URI1: variants seen among roughly 807,000 people sequenced by gnomAD.
URI1 encodes the protein URI1 prefoldin like chaperone.
Under a neutral mutation model 60.2 loss-of-function variants are expected in URI1, and 39 were observed. That is an observed-to-expected ratio of 0.65 (90% CI 0.50 to 0.85). The LOEUF (loss-of-function observed/expected upper bound fraction) is 0.85. Among genes scored for constraint, URI1 ranks in the 40% least tolerant of loss-of-function variants. The pLI, the probability that URI1 is intolerant of heterozygous loss-of-function variation, is 0.00. For missense variants in URI1, 691 were observed against 665.9 expected (o/e 1.04, Z -0.42); for synonymous variants, 251 against 236.8 (o/e 1.06, Z -0.55).
intron 8 of URI1, among the ~76,000 whole-genome samples, chr19:30,009,931 A>G (rs1599727043): frequency 6.6e-6 from 1 of 152,208 alleles, no homozygotes; most frequent in Non-Finnish European, 1.5e-5. Context: ...TTTCTCTAGT[A>G]TGAAAAGCCT....
At chr19:30,011,754 T>G (rs185170687) in intron 9 of URI1, among the ~76,000 whole-genome samples, 6 of 152,240 alleles carry the variant, frequency 3.9e-5, no homozygotes, top group Admixed American at 3.9e-4. Flanking sequence ...AAACTTTATG[T>G]AGAATTTTGG....
In URI1 at chr19:30,009,116, T is replaced by A; in HGVS notation, c.798T>A (p.Thr266=). The A allele has an allele frequency of 6.2e-7, 1 of 1,613,798 alleles. No homozygotes were observed. Among genetic ancestry groups the A allele is most frequent in the Non-Finnish European group, 8.5e-7 (1 of 1,179,722 alleles). The change falls in exon 8 of 11, where the codon ACT becomes ACA. Residue 266 remains threonine, a synonymous_variant. Transcript: ENST00000392271. ...TGCATCAAGTAACAGACTCTCATACTCCTTGTCATAAGGATGTTGCAAGTT... is the reference window on the plus strand; with the variant it reads ...TGCATCAAGTAACAGACTCTCATACACCTTGTCATAAGGATGTTGCAAGTT... ...NAMHQVTDSH[T]PCHKDVASSE...
chr19:30,001,328 A>T (rs162939), intron 4 of URI1, among the ~76,000 whole-genome samples: 1,951 of 151,908 alleles, frequency 0.013, 53 homozygotes, highest in African/African-American at 0.045. Context: ...TTTTTTTTAA[A>T]TTGAGCAATC....
intron 1 of URI1, among the ~76,000 whole-genome samples, chr19:29,930,942 A>G (rs1400553591): frequency 1.3e-5 from 2 of 151,476 alleles, no homozygotes; most frequent in African/African-American, 4.9e-5. Context: ...TCCTGACCTC[A>G]AGTGATCTAC....
At chr19:30,012,707 T>A (rs1479920611) in intron 10 of URI1, 176 bp downstream of exon 10, 1 of 751,250 alleles carries the variant, frequency 1.3e-6, no homozygotes, top group Non-Finnish European at 1.9e-6. Flanking sequence ...TCAAATAGTT[T>A]ATTTTTTGAT....
chr19:29,995,299 G>A (rs539939109), intron 4 of URI1, among the ~76,000 whole-genome samples: 1 of 152,162 alleles, frequency 6.6e-6, no homozygotes, highest in South Asian at 2.1e-4. Context: ...GCAGGGTTTT[G>A]ATTTGTATTT....
chr19:29,983,812 G>T (rs1178724741), intron 2 of URI1, among the ~76,000 whole-genome samples: 2 of 152,154 alleles, frequency 1.3e-5, no homozygotes. Context: ...CCATAGCATG[G>T]AAATACGATC....
At chr19:29,971,052 C>A in intron 1 of URI1, 141 bp from the exon 2 acceptor site, 1 of 769,256 alleles carries the variant, frequency 1.3e-6, no homozygotes, top group Non-Finnish European at 2.2e-6. Flanking sequence ...GTTCACATCT[C>A]TGTGCATTTG....
intron 1 of URI1, among the ~76,000 whole-genome samples, chr19:29,924,028 G>A (rs1299110546): frequency 1.3e-5 from 2 of 152,154 alleles, no homozygotes; most frequent in Non-Finnish European, 2.9e-5. Flanking sequence ...TGAGAACCAG[G>A]AGCTTCAACG....
At chr19:29,977,356 A>G (rs2055536531) in intron 2 of URI1, among the ~76,000 whole-genome samples, 1 of 152,022 alleles carries the variant, frequency 6.6e-6, no homozygotes, top group Non-Finnish European at 1.5e-5. Context: ...CATGCTATAT[A>G]AAATTTATTT....
At chr19:29,956,751 T>C (rs2055253341) in intron 1 of URI1, 8 of 1,585,488 alleles carry the variant, frequency 5.0e-6, no homozygotes, top group Non-Finnish European at 6.9e-6. Flanking sequence ...CCCTTGATCA[T>C]GTTCTGTACA....
chr19:30,015,204 T>G lies in URI1; in HGVS notation c.*135T>G, dbSNP rs1599731830. 1.1e-5 allele frequency: 16 copies of G among 1,430,568 alleles called. No homozygotes were observed. In the South Asian group the frequency reaches 2.1e-4, roughly 19 times the overall value. 88.6% of individuals were successfully genotyped at this position (1,430,568 alleles called of 1,614,324 possible). On this transcript the variant is annotated 3_prime_UTR_variant, in exon 11 of 11. Coordinates refer to ENST00000392271, the MANE Select transcript of URI1 (RefSeq NM_003796.3). ...ACTTTGGCAACAAGTTCTTTTACCC[T>G]TACCCGTGGTATTTGAAAAAAATCA...
At chr19:29,960,675 G>T (rs1251941168) in intron 1 of URI1, among the ~76,000 whole-genome samples, 1 of 152,066 alleles carries the variant, frequency 6.6e-6, no homozygotes, top group African/African-American at 2.4e-5. Context: ...CTTATAAACA[G>T]CATATTGTTG....
chr19:30,001,680 C>T (rs1025699059), intron 4 of URI1, among the ~76,000 whole-genome samples: 2 of 151,966 alleles, frequency 1.3e-5, no homozygotes, highest in African/African-American at 2.4e-5. Context: ...GGTCCGATAT[C>T]CCAGATCGAC....
chr19:29,994,179 T>G (rs1479541057), intron 4 of URI1, among the ~76,000 whole-genome samples: 2 of 152,148 alleles, frequency 1.3e-5, no homozygotes, highest in African/African-American at 2.4e-5. Flanking sequence ...CAGTGCTGGC[T>G]TTAACAGACT....
chr19:30,003,755 A>G (rs533233036), intron 4 of URI1, among the ~76,000 whole-genome samples: 5 of 152,152 alleles, frequency 3.3e-5, no homozygotes, highest in African/African-American at 1.2e-4. Flanking sequence ...CACAGTATTT[A>G]TATGTGGATA....
chr19:29,953,134 T>TATG (rs935362244), intron 1 of URI1, among the ~76,000 whole-genome samples: 1 of 152,250 alleles, frequency 6.6e-6, no homozygotes, highest in African/African-American at 2.4e-5. Flanking sequence ...AGATTTAATT[T>TATG]ATGCTCTCAT....
At chr19:29,962,444 G>T (rs1218743852) in intron 1 of URI1, among the ~76,000 whole-genome samples, 1 of 132,668 alleles carries the variant, frequency 7.5e-6, no homozygotes, top group African/African-American at 2.9e-5. Flanking sequence ...CACTAAGTAA[G>T]TCTCTGGTGT....
chr19:29,980,628 A>AAC (rs1187249237), intron 2 of URI1, among the ~76,000 whole-genome samples: 2 of 146,970 alleles, frequency 1.4e-5, no homozygotes, highest in Non-Finnish European at 3.0e-5. Flanking sequence ...AAAAAAAAAA[A>AAC]AAAAAAAAAA....
Sources: gnomAD v4.1 joint callset for allele counts (sites outside exome capture counted in the v4.1 genomes callset) on GRCh38, gnomAD v4.1.1 for gene constraint, MANE v1.5 for transcripts, NCBI Gene and HGNC (gene_info 2026-07-23, HGNC 2026-07-21) for gene names.